The following ZHX2 variants were observed in gnomAD, a reference collection of about 807,000 sequenced individuals.
The protein encoded by ZHX2 is zinc fingers and homeoboxes 2, also known as zinc fingers and homeoboxes protein 2.
In ZHX2, 6 loss-of-function variants were observed where a neutral mutation model predicts 21.9. The ratio of observed to expected loss-of-function variants is 0.27; its 90% confidence interval spans 0.15 to 0.54. The LOEUF is 0.54. Ranked by LOEUF, ZHX2 falls within the 20% of genes least tolerant of loss-of-function variation. The pLI is 0.95. For synonymous variants in ZHX2, 434 were observed against 437.1 expected, an observed-to-expected ratio of 0.99 and a Z score of 0.09; for missense variants, 908 against 1,090.7, an observed-to-expected ratio of 0.83 and a Z score of 2.36.
intron 2 of ZHX2, among the ~76,000 whole-genome samples, chr8:122,907,317 C>A (rs541435358): frequency 3.5e-4 from 54 of 152,190 alleles, no homozygotes; most frequent in South Asian, 4.1e-4. Flanking sequence ...TTGGTTCGGT[C>A]TAGAAAGGCG....
At chr8:122,911,614 C>T (rs1184954215) in intron 2 of ZHX2, among the ~76,000 whole-genome samples, 1 of 152,154 alleles carries the variant, frequency 6.6e-6, no homozygotes, top group Non-Finnish European at 1.5e-5. Flanking sequence ...TTGAGGGTCT[C>T]CTCTGTGCCA....
At position 122,973,230 on chromosome 8, in the gene ZHX2, TG is replaced by T. The variant is rs1813770533; in HGVS notation, c.*5-11del. The T allele has an allele frequency of 6.6e-6, 1 of 152,434 alleles. No individual in the cohort carries two copies. The highest frequency in any genetic ancestry group is 2.1e-4 in the South Asian group (1 of 4,832). The allele number at this position is 152,434 out of a possible 1,614,324, so 9.4% of individuals were successfully genotyped here. A position where few individuals can be genotyped will look rare whatever the true frequency, so the allele number is the denominator to read the frequency against. ...GCCTGACATCTTGACTCTGTGGTTT[TG>T]TGTCTTCTAGGGAAGTCTGTTAGAA... On this transcript the variant is annotated splice_polypyrimidine_tract_variant and intron_variant, in intron 3 of 3. Coordinates refer to ENST00000314393, the MANE Select transcript of ZHX2 (RefSeq NM_014943.5).
intron 1 of ZHX2, among the ~76,000 whole-genome samples, chr8:122,785,207 A>T (rs13255307): frequency 6.6e-6 from 1 of 152,142 alleles, no homozygotes; most frequent in Non-Finnish European, 1.5e-5. Flanking sequence ...AACAATGTCC[A>T]GAGGTGTAGC....
rs975029613 is a variant in ZHX2, at chr8:122,886,444, G to A, written c.-220+22905G>A. Reference sequence around the variant, plus strand: ...AAACCCATAGAACTGGACAGCACAGGGGTGAACGCTCATGTAAACCATGGA... The same window carrying A: ...AAACCCATAGAACTGGACAGCACAGAGGTGAACGCTCATGTAAACCATGGA... On this transcript the variant is annotated intron_variant, in intron 2 of 3. Transcript: ENST00000314393. Among the ~76,000 whole-genome samples the A allele has an allele frequency of 9.2e-5, 14 of 152,110 alleles. 1 individual carries two copies. The highest frequency in any genetic ancestry group is 1.0e-4 in the Non-Finnish European group (7 of 68,022).
Position 122,952,728 on chromosome 8 carries a change from G to T in ZHX2, c.1218G>T (p.Lys406Asn), listed in dbSNP as rs746137414. Reference protein sequence around the residue: ...AVAGVTNHGQKRPLVTPQAAP... With the variant: ...AVAGVTNHGQNRPLVTPQAAP... ...CAGGAGTCACCAACCATGGCCAGAAGAGACCCTTGGTGACTCCCCAAGCTG... is the reference window on the plus strand; with the variant it reads ...CAGGAGTCACCAACCATGGCCAGAATAGACCCTTGGTGACTCCCCAAGCTG... The change falls in exon 3 of 4, where the codon AAG becomes AAT. Residue 406 changes from lysine (K) to asparagine (N), a missense_variant. Physicochemically the swap from Lys to Asn is moderately conservative, Grantham distance 94. Transcript: ENST00000314393. The surrounding 1 kb of genome is among the most constrained non-coding windows in gnomAD (Gnocchi z 6.9). The T allele has an allele frequency of 6.2e-7, 1 of 1,614,092 alleles. No individual in the cohort carries two copies. Among genetic ancestry groups the T allele is most frequent in the South Asian group, 1.1e-5 (1 of 91,080 alleles).
intron 1 of ZHX2, among the ~76,000 whole-genome samples, chr8:122,829,273 C>G (rs1200693583): frequency 2.0e-5 from 3 of 152,176 alleles, no homozygotes. Flanking sequence ...ACTAAACTAC[C>G]AAGGCTATCT....
intron 2 of ZHX2, among the ~76,000 whole-genome samples, chr8:122,918,021 A>T (rs940008579): frequency 1.3e-5 from 2 of 151,986 alleles, no homozygotes; most frequent in Non-Finnish European, 1.5e-5. Flanking sequence ...AGCCCTCAAG[A>T]CTCTGCTACT....
rs576167286 is a variant in ZHX2 at position 122,924,535 on chromosome 8, G to A, written c.-219-26757G>A. ...AAATTCAATCCATTAAAGGTGGTGA[G>A]CAGAGATGGACTGGGGCCAAAGCCT... is the stretch of plus-strand genomic sequence containing the variant. On this transcript the variant is annotated intron_variant, in intron 2 of 3. Transcript: ENST00000314393. Among the ~76,000 whole-genome samples, 28 of 152,256 alleles carry A rather than the reference G, an allele frequency of 1.8e-4. 1 individual carries two copies. The highest frequency in any genetic ancestry group is 6.5e-4 in the African/African-American group (27 of 41,544).
chr8:122,847,506 G>C (rs531812820), intron 1 of ZHX2, among the ~76,000 whole-genome samples: 1 of 152,314 alleles, frequency 6.6e-6, no homozygotes, highest in East Asian at 1.9e-4. Context: ...GTGGGTCTTG[G>C]CAACAGAGGC....
intron 3 of ZHX2, among the ~76,000 whole-genome samples, chr8:122,954,991 C>T (rs948739149): frequency 2.0e-4 from 30 of 149,854 alleles, no homozygotes; most frequent in African/African-American, 7.2e-4. Context: ...AAGGAAGGTG[C>T]CACTGTGCTT....
At chr8:122,878,952 A>G (rs745872328) in intron 2 of ZHX2, among the ~76,000 whole-genome samples, 3 of 151,948 alleles carry the variant, frequency 2.0e-5, no homozygotes, top group Non-Finnish European at 4.4e-5. Flanking sequence ...CTGATCCCTG[A>G]CCCAAAGTGT....
chr8:122,840,726 A>G (rs1035015562), intron 1 of ZHX2, among the ~76,000 whole-genome samples: 2 of 152,174 alleles, frequency 1.3e-5, no homozygotes, highest in African/African-American at 4.8e-5. Context: ...GTGTCAGCTT[A>G]AACTTATTTT....
intron 1 of ZHX2, among the ~76,000 whole-genome samples, chr8:122,823,110 G>A (rs1818191128): frequency 3.3e-5 from 5 of 152,168 alleles, no homozygotes; most frequent in Admixed American, 3.3e-4. Context: ...CCTGGTCTGG[G>A]TCCCAGATCC....
At chr8:122,925,134 A>G (rs1306660911) in intron 2 of ZHX2, among the ~76,000 whole-genome samples, 2 of 152,244 alleles carry the variant, frequency 1.3e-5, no homozygotes, top group Admixed American at 6.5e-5. Context: ...TGAGATTTGT[A>G]TCTTCACCCC....
At chr8:122,938,797 C>G (rs1812768482) in intron 2 of ZHX2, among the ~76,000 whole-genome samples, 1 of 151,718 alleles carries the variant, frequency 6.6e-6, no homozygotes, top group Admixed American at 6.6e-5. Flanking sequence ...GAAATCACAC[C>G]ACTGCACTCC....
chr8:122,971,088 G>T (rs199821296), intron 3 of ZHX2, among the ~76,000 whole-genome samples: 2 of 152,122 alleles, frequency 1.3e-5, no homozygotes, highest in East Asian at 1.9e-4. Flanking sequence ...CCATTTCTTC[G>T]CTATGAAGTG....
chr8:122,918,752 C>A (rs748279427), intron 2 of ZHX2, among the ~76,000 whole-genome samples: 1 of 152,086 alleles, frequency 6.6e-6, no homozygotes, highest in Non-Finnish European at 1.5e-5. Context: ...CAAGACCATC[C>A]TGGCCAAAAT....
chr8:122,914,445 C>A (rs144027668), intron 2 of ZHX2, among the ~76,000 whole-genome samples: 1 of 152,186 alleles, frequency 6.6e-6, no homozygotes, highest in South Asian at 2.1e-4. Flanking sequence ...AGGGCCCTTT[C>A]GGTTATTTCT....
intron 1 of ZHX2, among the ~76,000 whole-genome samples, chr8:122,800,550 G>A (rs957198866): frequency 6.6e-6 from 1 of 152,224 alleles, no homozygotes; most frequent in African/African-American, 2.4e-5. Context: ...TCTGAGCCAG[G>A]CAGTGTTGAT....
Sources: gnomAD v4.1 joint callset for allele counts (sites outside exome capture counted in the v4.1 genomes callset) on GRCh38, gnomAD v4.1.1 for gene constraint, Gnocchi (gnomAD v3.1) non-coding constraint, MANE v1.5 for transcripts, NCBI Gene and HGNC (gene_info 2026-07-23, HGNC 2026-07-21) for gene names.